Variants in MAD1L1 observed in about 807,000 individuals in gnomAD.
MAD1L1 encodes mitotic spindle assembly checkpoint protein MAD1.
A neutral mutation model predicts 96.9 loss-of-function variants in MAD1L1; 95 were observed. The observed-to-expected ratio is 0.98, with a 90% CI of 0.83 to 1.16. The LOEUF is 1.16. Among genes scored for constraint, MAD1L1 ranks in the 50% most tolerant of loss-of-function variants. The pLI, the probability that MAD1L1 is intolerant of heterozygous loss-of-function variation, is 0.00. For missense variants in MAD1L1, 1,007 were observed against 954.4 expected (o/e 1.06, Z -0.73); for synonymous variants, 473 against 396.6 (o/e 1.19, Z -2.29).
intron 18 of MAD1L1, among the ~76,000 whole-genome samples, chr7:1,876,406 G>A (rs1295572586): frequency 2.0e-5 from 3 of 146,818 alleles, no homozygotes; most frequent in South Asian, 2.2e-4. Context: ...TTTCCCCACC[G>A]TCCTCACCCA....
intron 10 of MAD1L1, among the ~76,000 whole-genome samples, chr7:2,150,550 A>G (rs1245488664): frequency 1.3e-5 from 2 of 152,066 alleles, no homozygotes; most frequent in Non-Finnish European, 2.9e-5. Flanking sequence ...ACTTCCTTAC[A>G]GTGTCTCTGG....
At chr7:1,845,757 G>C (rs957961622) in intron 18 of MAD1L1, 1 of 152,620 alleles carries the variant, frequency 6.6e-6, no homozygotes, top group Non-Finnish European at 1.5e-5. Flanking sequence ...GGCTCACGGG[G>C]AGGAGCGCGC....
intron 10 of MAD1L1, among the ~76,000 whole-genome samples, chr7:2,182,683 T>C (rs1015254871): frequency 6.6e-6 from 1 of 152,118 alleles, no homozygotes; most frequent in Non-Finnish European, 1.5e-5. Context: ...CTTGAGAACG[T>C]GCTGAGAGGA....
intron 18 of MAD1L1, among the ~76,000 whole-genome samples, chr7:1,818,734 C>G (rs1781962772): frequency 6.6e-6 from 1 of 152,026 alleles, no homozygotes; most frequent in African/African-American, 2.4e-5. Flanking sequence ...CCGCCAGCGT[C>G]AGCAAGACAG....
intron 10 of MAD1L1, among the ~76,000 whole-genome samples, chr7:2,182,403 A>G (rs1791244674): frequency 6.6e-6 from 1 of 152,118 alleles, no homozygotes; most frequent in African/African-American, 2.4e-5. Context: ...GGAATGTAAA[A>G]TGGTGTAGTT....
At chr7:1,904,558 G>A (rs1199508417) in intron 17 of MAD1L1, among the ~76,000 whole-genome samples, 4 of 128,068 alleles carry the variant, frequency 3.1e-5, no homozygotes, top group Non-Finnish European at 6.3e-5. Flanking sequence ...CAGCGAGGAC[G>A]CAGTGGCCTA....
intron 15 of MAD1L1, among the ~76,000 whole-genome samples, chr7:1,959,613 G>T (rs1779868565): frequency 6.6e-6 from 1 of 152,204 alleles, no homozygotes; most frequent in African/African-American, 2.4e-5. Context: ...GGGTTCTCAT[G>T]AGAAACAGTG....
At chr7:1,862,485 G>C (rs1234474728) in intron 18 of MAD1L1, among the ~76,000 whole-genome samples, 2 of 152,192 alleles carry the variant, frequency 1.3e-5, no homozygotes, top group African/African-American at 4.8e-5. Context: ...CAGCAGGGCC[G>C]ACCTGGATCC....
chr7:1,895,001 C>T (rs1583687211), intron 18 of MAD1L1, among the ~76,000 whole-genome samples: 1 of 152,198 alleles, frequency 6.6e-6, no homozygotes, highest in African/African-American at 2.4e-5. Flanking sequence ...CTCCGGCAGA[C>T]TCGCCTGTCA....
At chr7:2,123,029 C>T (rs970455625) in intron 11 of MAD1L1, among the ~76,000 whole-genome samples, 1 of 152,144 alleles carries the variant, frequency 6.6e-6, no homozygotes, top group Admixed American at 6.5e-5. Flanking sequence ...GGGAGCCGGG[C>T]GCAGTGGCTC....
intron 12 of MAD1L1, among the ~76,000 whole-genome samples, chr7:2,053,548 C>T (rs1325177237): frequency 2.6e-5 from 4 of 152,200 alleles, no homozygotes; most frequent in African/African-American, 9.6e-5. Context: ...TGTGAAGGCC[C>T]CAAGGCCCTG....
At chr7:2,200,791 T>C (rs1382895533) in intron 10 of MAD1L1, among the ~76,000 whole-genome samples, 1 of 152,160 alleles carries the variant, frequency 6.6e-6, no homozygotes, top group Non-Finnish European at 1.5e-5. Flanking sequence ...GTGCAAAGGC[T>C]GGTCCACCCT....
Position 2,025,192 on chromosome 7 carries a change from G to A in MAD1L1, c.1219-10550C>T, listed in dbSNP as rs535635719. Among the ~76,000 whole-genome samples the A allele has an allele frequency of 2.1e-4, 32 of 152,152 alleles. No homozygotes were observed. The South Asian group carries it at 4.2e-3, about 20-fold the overall frequency. ...TTTTCTGTAAACCTTAAACTCTCCCGAAAACAAACTTTATTAATTAAAAAA... is the reference window on the plus strand; with the variant it reads ...TTTTCTGTAAACCTTAAACTCTCCCAAAAACAAACTTTATTAATTAAAAAA... On this transcript the variant is annotated intron_variant, in intron 12 of 18. Transcript: ENST00000265854.
intron 10 of MAD1L1, among the ~76,000 whole-genome samples, chr7:2,157,484 G>A (rs998694784): frequency 6.6e-6 from 1 of 152,232 alleles, no homozygotes. Context: ...GCCCATCTGG[G>A]AGGAGTGGGA....
At chr7:2,162,708 C>CAAAAAAAAA (rs200992128) in intron 10 of MAD1L1, among the ~76,000 whole-genome samples, 6 of 96,532 alleles carry the variant, frequency 6.2e-5, no homozygotes, top group African/African-American at 2.1e-4. Flanking sequence ...CCACCACTCA[C>CAAAAAAAAA]AAAAAAAAAA....
At chr7:1,871,438 G>A (rs1448000743) in intron 18 of MAD1L1, among the ~76,000 whole-genome samples, 113 of 103,862 alleles carry the variant, frequency 1.1e-3, no homozygotes, top group African/African-American at 1.8e-3. Context: ...TGAACCCACC[G>A]TAACACCTGC....
chr7:1,818,832 G>A (rs562892270), intron 18 of MAD1L1, among the ~76,000 whole-genome samples: 42 of 149,808 alleles, frequency 2.8e-4, no homozygotes, highest in African/African-American at 1.0e-3. Flanking sequence ...GAAGAATGAT[G>A]CCCTAATATA....
In MAD1L1 at chr7:2,157,924, C is replaced by T. The variant is rs1235773918; in HGVS notation, c.987-8686G>A. The stretch of plus-strand genomic sequence containing the variant: ...GGAGGAGCCGTGCCAAGTATTATTA[C>T]GGCCTAAGAATAACTCCCGACAGTC... On this transcript the variant is annotated intron_variant, in intron 10 of 18. Transcript: ENST00000265854. Among the ~76,000 whole-genome samples, 4 of 152,146 alleles carry T rather than the reference C, an allele frequency of 2.6e-5. No individual in the cohort carries two copies. In the East Asian group the frequency reaches 7.7e-4, roughly 29 times the overall value.
At chr7:2,218,189 GC>G (rs1793396771) in intron 6 of MAD1L1, 146 bp from the exon 7 acceptor site, 3 of 632,936 alleles carry the variant, frequency 4.7e-6, no homozygotes, top group Non-Finnish European at 8.5e-6. Flanking sequence ...CAGACCCCCC[GC>G]CCCCCGCCAA....
Sources: gnomAD v4.1 joint callset for allele counts (sites outside exome capture counted in the v4.1 genomes callset) on GRCh38, gnomAD v4.1.1 for gene constraint, MANE v1.5 for transcripts, NCBI Gene and HGNC (gene_info 2026-07-23, HGNC 2026-07-21) for gene names.